SVIL: variants seen among roughly 807,000 people sequenced by gnomAD.
The protein encoded by SVIL is archvillin.
In SVIL, 101 loss-of-function variants were observed where a neutral mutation model predicts 240.4. The ratio of observed to expected loss-of-function variants is 0.42; its 90% confidence interval spans 0.36 to 0.50. SVIL has a LOEUF of 0.50. Among genes scored for constraint, SVIL ranks in the 20% least tolerant of loss-of-function variants. SVIL has a pLI of 0.01. For missense variants in SVIL, 2,512 were observed against 2,818.7 expected, an observed-to-expected ratio of 0.89 and a Z score of 2.46; for synonymous variants, 999 against 1,100.0, an observed-to-expected ratio of 0.91 and a Z score of 1.82.
intron 2 of SVIL, among the ~76,000 whole-genome samples, chr10:29,682,702 A>C (rs1381603853): frequency 6.6e-6 from 1 of 152,254 alleles, no homozygotes; most frequent in African/African-American, 2.4e-5. Flanking sequence ...GAGTATACAA[A>C]TTCTGTTACA....
In SVIL at chr10:29,550,803, T is replaced by A; in HGVS notation, c.621A>T (p.Arg207=). 3.1e-6 allele frequency: 5 copies of A among 1,614,060 alleles called. No individual in the cohort carries two copies. The highest frequency in any genetic ancestry group is 4.2e-6 in the Non-Finnish European group (5 of 1,180,026). ...EVLLNIENQR[R]GQELSATRQA... ...GCCGGGTGGCACTCAGCTCTTGACC[T>A]CGTCTTTGGTTTTCTATGTTCAGCA... Residue 207 remains arginine, a synonymous_variant, in exon 6 of 38, where the codon CGA becomes CGT. Coordinates refer to ENST00000355867, the MANE Select transcript of SVIL (RefSeq NM_021738.3).
At chr10:29,468,046 G>C (rs1945126768) in intron 32 of SVIL, among the ~76,000 whole-genome samples, 171 bp from the exon 33 acceptor site, 1 of 152,152 alleles carries the variant, frequency 6.6e-6, no homozygotes, top group African/African-American at 2.4e-5. Flanking sequence ...TCACAGAGTT[G>C]TGCAACTGTC....
chr10:29,625,981 T>G (rs914856490), intron 1 of SVIL, among the ~76,000 whole-genome samples: 2 of 152,036 alleles, frequency 1.3e-5, no homozygotes, highest in African/African-American at 4.8e-5. Flanking sequence ...CAGCATGATG[T>G]TTTGATATAA....
At chr10:29,668,436 G>A (rs750347915) in intron 2 of SVIL, among the ~76,000 whole-genome samples, 1 of 152,136 alleles carries the variant, frequency 6.6e-6, no homozygotes, top group Admixed American at 6.6e-5. Flanking sequence ...GTAAGCCAAG[G>A]TTACTGCTAA....
intron 16 of SVIL, among the ~76,000 whole-genome samples, chr10:29,520,816 C>T (rs1458653517): frequency 1.3e-5 from 2 of 151,240 alleles, no homozygotes; most frequent in Admixed American, 1.3e-4. Flanking sequence ...CTGGGGAGGC[C>T]GAGGCAGGAG....
chr10:29,555,530 G>T (rs935618614), intron 3 of SVIL, among the ~76,000 whole-genome samples: 12 of 152,060 alleles, frequency 7.9e-5, no homozygotes, highest in Non-Finnish European at 1.5e-4. Flanking sequence ...ATGTTTTGTT[G>T]TATATATATT....
At position 29,611,737 on chromosome 10, in the gene SVIL, G is replaced by A. The variant is rs553322104; in HGVS notation, c.-201+22683C>T. 5.9e-4 allele frequency among the ~76,000 whole-genome samples: 90 copies of A among 152,264 alleles called. No homozygotes were observed. The Middle Eastern group carries it at 0.017, about 29-fold the overall frequency. On this transcript the variant is annotated intron_variant, in intron 1 of 37. Coordinates refer to ENST00000355867, the MANE Select transcript of SVIL (RefSeq NM_021738.3). Reference sequence around the variant, plus strand: ...TGAGGCAAAGGAGCATCTCAGAAGCGAAGCTGCTACTTACGAGAACTTCTG... The same window carrying A: ...TGAGGCAAAGGAGCATCTCAGAAGCAAAGCTGCTACTTACGAGAACTTCTG...
Position 29,555,070 on chromosome 10 carries a change from C to T in SVIL, c.-12G>A. On this transcript the variant is annotated 5_prime_UTR_variant, in exon 4 of 38. Transcript: ENST00000355867. ...TCTTACCTTTTCATTTCTAAGAATT[C>T]TTTCTTCTTTGGTTCAAAGATTTGT... The T allele has an allele frequency of 6.2e-7, 1 of 1,612,862 alleles. No individual in the cohort carries two copies. Among genetic ancestry groups the T allele is most frequent in the Non-Finnish European group, 8.5e-7 (1 of 1,179,712 alleles).
rs1006836071 is a variant in SVIL, at chr10:29,474,015, C to T, written c.5378-26G>A. 5 of 1,607,686 alleles carry T rather than the reference C, an allele frequency of 3.1e-6. No individual in the cohort carries two copies. The African/African-American group carries it at 4.0e-5, about 13-fold the overall frequency. ...CTGCAAACACAGAATGGCAGAGGGACAGGTCAGCAGCTGAGACACCCGAGG... is the reference window on the plus strand; with the variant it reads ...CTGCAAACACAGAATGGCAGAGGGATAGGTCAGCAGCTGAGACACCCGAGG... On this transcript the variant is annotated intron_variant, in intron 29 of 37. Coordinates refer to ENST00000355867, the MANE Select transcript of SVIL (RefSeq NM_021738.3).
chr10:29,689,953 T>C (rs913786557), intron 1 of SVIL, among the ~76,000 whole-genome samples: 1 of 152,216 alleles, frequency 6.6e-6, no homozygotes, highest in Non-Finnish European at 1.5e-5. Flanking sequence ...CAGTGGGAGC[T>C]GAGCAGTTTG....
At chr10:29,586,100 C>T (rs753909016) in intron 1 of SVIL, among the ~76,000 whole-genome samples, 1 of 152,198 alleles carries the variant, frequency 6.6e-6, no homozygotes, top group African/African-American at 2.4e-5. Flanking sequence ...AAGATGGATT[C>T]AGCCTTACAG....
chr10:29,551,653 C>T (rs867961996), intron 5 of SVIL, among the ~76,000 whole-genome samples: 1 of 152,240 alleles, frequency 6.6e-6, no homozygotes, highest in South Asian at 2.1e-4. Context: ...CTGGGAAAGA[C>T]AGCAGACAAG....
At chr10:29,546,744 G>GA (rs1407869440) in intron 6 of SVIL, among the ~76,000 whole-genome samples, 1 of 152,198 alleles carries the variant, frequency 6.6e-6, no homozygotes, top group Non-Finnish European at 1.5e-5. Context: ...GTATATTCAT[G>GA]AGTGTCATCG....
chr10:29,730,052 C>A (rs925409410), intron 1 of SVIL, among the ~76,000 whole-genome samples: 1 of 151,670 alleles, frequency 6.6e-6, no homozygotes, highest in African/African-American at 2.4e-5. Context: ...GTGGTGCACA[C>A]CTGTAGTCCC....
Position 29,462,301 on chromosome 10 carries a change from C to T in SVIL, c.6378G>A (p.Glu2126=), listed in dbSNP as rs1362744948. 2.5e-6 allele frequency: 4 copies of T among 1,614,072 alleles called. No individual in the cohort carries two copies. In the South Asian group the frequency reaches 3.3e-5, roughly 13 times the overall value. ...TNMFPSWEHR[E]DIAEITEMDT... is the part of the protein sequence containing the mutation. ...CCATCTCTGTGATCTCAGCGATGTC[C>T]TCTCTGTGCTCCCAGCTGGGAAACA... The change falls in exon 36 of 38, where the codon GAG becomes GAA. Residue 2126 remains glutamate (E), a synonymous_variant. Transcript: ENST00000355867.
intron 2 of SVIL, among the ~76,000 whole-genome samples, chr10:29,682,159 G>A (rs1041383401): frequency 6.6e-6 from 1 of 152,116 alleles, no homozygotes; most frequent in African/African-American, 2.4e-5. Context: ...AATCTTCTAC[G>A]CCTTAAGCAG....
intron 1 of SVIL, among the ~76,000 whole-genome samples, chr10:29,633,990 T>G (rs1958212200): frequency 6.6e-6 from 1 of 152,150 alleles, no homozygotes; most frequent in Non-Finnish European, 1.5e-5. Context: ...TTTTCTATTT[T>G]TACATGAATT....
chr10:29,592,316 G>C (rs113541640), intron 1 of SVIL, among the ~76,000 whole-genome samples: 74 of 152,288 alleles, frequency 4.9e-4, no homozygotes, highest in Non-Finnish European at 7.8e-4. Context: ...AAGCATCTAA[G>C]TGTAATATTT....
intron 1 of SVIL, among the ~76,000 whole-genome samples, chr10:29,633,209 C>T (rs572888572): frequency 4.1e-4 from 59 of 143,882 alleles, no homozygotes; most frequent in African/African-American, 1.5e-3. Flanking sequence ...TGCACTCCAG[C>T]CTGGGTGACA....
Sources: gnomAD v4.1 joint callset for allele counts (sites outside exome capture counted in the v4.1 genomes callset) on GRCh38, gnomAD v4.1.1 for gene constraint, MANE v1.5 for transcripts, NCBI Gene and HGNC (gene_info 2026-07-23, HGNC 2026-07-21) for gene names.